Variants in BCAT1 observed in about 807,000 individuals in gnomAD.
BCAT1 encodes the protein branched-chain-amino-acid aminotransferase, cytosolic.
A neutral mutation model predicts 52.4 loss-of-function variants in BCAT1; 48 were observed. The observed-to-expected ratio is 0.92, with a 90% CI of 0.73 to 1.16. The LOEUF (loss-of-function observed/expected upper bound fraction) is 1.16, where lower values mean the gene tolerates loss of function less well. BCAT1 is among the 50% of genes most tolerant of loss of function. The pLI is 0.00. For synonymous variants in BCAT1, 167 were observed against 161.3 expected (o/e 1.04, Z -0.27); for missense variants, 451 against 457.1 (o/e 0.99, Z 0.12).
chr12:24,870,856 C>G (rs756734137), intron 5 of BCAT1, among the ~76,000 whole-genome samples: 3 of 152,076 alleles, frequency 2.0e-5, no homozygotes, highest in Non-Finnish European at 4.4e-5. Context: ...AACCCCATCT[C>G]TACTAAAAAT....
At chr12:24,913,117 G>C (rs1272676886) in intron 1 of BCAT1, among the ~76,000 whole-genome samples, 3 of 152,048 alleles carry the variant, frequency 2.0e-5, no homozygotes, top group Non-Finnish European at 4.4e-5. Flanking sequence ...TGGTTCATGT[G>C]CCACAGAACC....
chr12:24,916,246 G>T (rs529000197), intron 1 of BCAT1, among the ~76,000 whole-genome samples: 13 of 152,258 alleles, frequency 8.5e-5, no homozygotes, highest in Non-Finnish European at 1.9e-4. Context: ...TGGGTGAATT[G>T]CTCTCTTTTC....
At chr12:24,821,088 T>G (rs1421647239) in intron 10 of BCAT1, among the ~76,000 whole-genome samples, 3 of 152,152 alleles carry the variant, frequency 2.0e-5, no homozygotes, top group Non-Finnish European at 4.4e-5. Context: ...AAACAAAGTT[T>G]GTATGCACAC....
chr12:24,904,973 G>A (rs1423520667), intron 1 of BCAT1, among the ~76,000 whole-genome samples: 1 of 152,226 alleles, frequency 6.6e-6, no homozygotes, highest in Admixed American at 6.5e-5. Context: ...TTCAGCAAGT[G>A]ATCCTTGAGC....
At chr12:24,834,531 A>C in intron 8 of BCAT1, 1 of 975,336 alleles carries the variant, frequency 1.0e-6, no homozygotes, top group African/African-American at 1.8e-5. Flanking sequence ...AGAGAGGTTT[A>C]AAAAAATAAG....
chr12:24,855,415 C>T (rs1941646567), intron 5 of BCAT1, among the ~76,000 whole-genome samples: 1 of 152,094 alleles, frequency 6.6e-6, no homozygotes, highest in South Asian at 2.1e-4. Flanking sequence ...AAGTCTCGCT[C>T]TCTTGCCCAG....
chr12:24,920,121 T>C (rs117291368), intron 1 of BCAT1, among the ~76,000 whole-genome samples: 1,884 of 152,302 alleles, frequency 0.012, 14 homozygotes, highest in Non-Finnish European at 0.018. Context: ...ATATTAATAA[T>C]AGAGTTTTAT....
chr12:24,869,952 AAG>A (rs1942133690), intron 5 of BCAT1, among the ~76,000 whole-genome samples: 2 of 152,122 alleles, frequency 1.3e-5, no homozygotes, highest in African/African-American at 2.4e-5. Context: ...ATTTTGTAAA[AAG>A]AGAGATAATG....
At chr12:24,821,248 C>G (rs1327124167) in intron 10 of BCAT1, among the ~76,000 whole-genome samples, 4 of 152,180 alleles carry the variant, frequency 2.6e-5, no homozygotes, top group Non-Finnish European at 5.9e-5. Context: ...CTAGTGAGAA[C>G]ATAGATTTTT....
chr12:24,878,649 C>T lies in BCAT1; in HGVS notation c.391G>A (p.Val131Ile). The T allele has an allele frequency of 6.3e-7, 1 of 1,598,538 alleles. No individual in the cohort carries two copies. Among genetic ancestry groups the T allele is most frequent in the East Asian group, 2.2e-5 (1 of 44,612 alleles). The change falls in exon 5 of 11, where the codon GTA becomes ATA. Residue 131 changes from valine (V) to isoleucine (I), a missense_variant and splice_region_variant. Coordinates refer to ENST00000261192, the MANE Select transcript of BCAT1 (RefSeq NM_005504.7). ...YRSAVRATLP[V>I]FDKEELLECI... ...TCTAAGAGCTCTTCTTTGTCAAATACCTGAAAGAATGAAAAACATAATAAA... is the reference window on the plus strand; with the variant it reads ...TCTAAGAGCTCTTCTTTGTCAAATATCTGAAAGAATGAAAAACATAATAAA...
At chr12:24,942,333 G>A (rs2139763035) in intron 1 of BCAT1, among the ~76,000 whole-genome samples, 1 of 152,214 alleles carries the variant, frequency 6.6e-6, no homozygotes, top group African/African-American at 2.4e-5. Flanking sequence ...TTGAGGTCAA[G>A]AGTTCTAGAC....
At chr12:24,877,509 A>G (rs1942380490) in intron 5 of BCAT1, among the ~76,000 whole-genome samples, 1 of 152,252 alleles carries the variant, frequency 6.6e-6, no homozygotes, top group African/African-American at 2.4e-5. Flanking sequence ...GTGACCCACC[A>G]GGAAATCATA....
At chr12:24,880,124 G>A (rs1026258221) in intron 4 of BCAT1, among the ~76,000 whole-genome samples, 7 of 152,218 alleles carry the variant, frequency 4.6e-5, no homozygotes, top group South Asian at 2.1e-4. Flanking sequence ...GGATTTAGCC[G>A]TCCTCAGGCT....
chr12:24,885,487 T>TA (rs542111967), intron 3 of BCAT1, among the ~76,000 whole-genome samples: 100 of 152,040 alleles, frequency 6.6e-4, no homozygotes, highest in East Asian at 1.2e-3. Context: ...TAATCCAAAT[T>TA]AAAAAAAATC....
chr12:24,847,671 C>T (rs1050992034), intron 6 of BCAT1, among the ~76,000 whole-genome samples: 2 of 152,160 alleles, frequency 1.3e-5, no homozygotes, highest in African/African-American at 2.4e-5. Flanking sequence ...ACCAAGGAAT[C>T]ACCTGGAACT....
At chr12:24,881,802 A>T (rs1477211391) in intron 3 of BCAT1, among the ~76,000 whole-genome samples, 1 of 152,108 alleles carries the variant, frequency 6.6e-6, no homozygotes, top group Non-Finnish European at 1.5e-5. Flanking sequence ...CCCAAAGAGT[A>T]CCCCCATATC....
intron 3 of BCAT1, among the ~76,000 whole-genome samples, chr12:24,889,696 A>G (rs1942781363): frequency 6.6e-6 from 1 of 152,174 alleles, no homozygotes; most frequent in Admixed American, 6.5e-5. Flanking sequence ...TGTGAGTCTT[A>G]AGATCCTCTC....
At chr12:24,923,448 C>T (rs998431165) in intron 1 of BCAT1, among the ~76,000 whole-genome samples, 5 of 152,114 alleles carry the variant, frequency 3.3e-5, no homozygotes, top group African/African-American at 1.2e-4. Context: ...TCTCTGTCAC[C>T]CAGGCTCCCA....
Position 24,829,829 on chromosome 12 carries a change from A to G in BCAT1, c.1113T>C (p.Asp371=). 1 of 1,607,192 alleles carries G rather than the reference A, an allele frequency of 6.2e-7. No individual in the cohort carries two copies. The part of the protein sequence containing the change: ...LASRILSKLT[D]IQYGREESDW... ...AAGAAAAGAAAAGCTTTACCTGGAT[A>G]TCAGTTAATTTGCTCAAGATGCGGC... The change falls in exon 10 of 11, where the codon GAT becomes GAC. Residue 371 remains aspartate (D), a synonymous_variant. Transcript: ENST00000261192.
Sources: gnomAD v4.1 joint callset for allele counts (sites outside exome capture counted in the v4.1 genomes callset) on GRCh38, gnomAD v4.1.1 for gene constraint, MANE v1.5 for transcripts, NCBI Gene and HGNC (gene_info 2026-07-23, HGNC 2026-07-21) for gene names.